The following IL18RAP variants were observed in gnomAD, a reference collection of about 807,000 sequenced individuals.
IL18RAP encodes interleukin 18 receptor accessory protein.
In IL18RAP, 37 loss-of-function variants were observed where a neutral mutation model predicts 58.1. The ratio of observed to expected loss-of-function variants is 0.64; its 90% CI spans 0.49 to 0.84. The LOEUF (loss-of-function observed/expected upper bound fraction) is 0.84, where lower values mean the gene tolerates loss of function less well. Ranked by LOEUF, IL18RAP falls within the 40% of genes least tolerant of loss-of-function variation. IL18RAP has a pLI of 0.00. For missense variants in IL18RAP, 667 were observed against 704.8 expected (o/e 0.95, Z 0.61); for synonymous variants, 268 against 257.5 (o/e 1.04, Z -0.39).
At chr2:102,445,731 G>A (rs112985089) in intron 7 of IL18RAP, among the ~76,000 whole-genome samples, 10 of 152,052 alleles carry the variant, frequency 6.6e-5, no homozygotes, top group African/African-American at 2.4e-4. Flanking sequence ...AGGACATGAT[G>A]GATTCATGTT....
rs925552789 is a variant in IL18RAP at position 102,445,056 on chromosome 2, C to T, written c.921-133C>T. ...GCCCTTTTTGACCATCTTACATTCT[C>T]GTGGTATCTTATACTATTGATCTCA... is the stretch of plus-strand genomic sequence containing the variant. On this transcript the variant is annotated intron_variant, in intron 6 of 9. Transcript: ENST00000687160. The T allele has an allele frequency of 6.4e-5, 42 of 656,998 alleles. 1 individual carries two copies. In the South Asian group the frequency reaches 6.9e-4, roughly 11 times the overall value. The allele number at this position is 656,998 out of a possible 1,614,324, so 40.7% of individuals were successfully genotyped here.
intron 4 of IL18RAP, 144 bp downstream of exon 4, chr2:102,437,506 C>A: frequency 1.4e-6 from 1 of 708,684 alleles, no homozygotes; most frequent in Non-Finnish European, 2.1e-6. Context: ...TGTGGGCAAA[C>A]ATCAAAGTTG....
chr2:102,446,492 T>A (rs1573300862), intron 7 of IL18RAP, among the ~76,000 whole-genome samples: 1 of 152,280 alleles, frequency 6.6e-6, no homozygotes, highest in East Asian at 1.9e-4. Flanking sequence ...TCCGTTGTAT[T>A]ATTCTTATGC....
At chr2:102,432,594 C>T (rs1390750616) in intron 3 of IL18RAP, among the ~76,000 whole-genome samples, 1 of 152,118 alleles carries the variant, frequency 6.6e-6, no homozygotes, top group Non-Finnish European at 1.5e-5. Context: ...TGTGTGTGGG[C>T]TTGATCTTAC....
chr2:102,422,547 A>G (rs1280413392), upstream of IL18RAP, among the ~76,000 whole-genome samples: 2 of 152,266 alleles, frequency 1.3e-5, no homozygotes, highest in African/African-American at 4.8e-5. Context: ...AGATATTTCA[A>G]GTAAGTGGTT....
At chr2:102,441,550 A>G (rs1683104431) in intron 5 of IL18RAP, among the ~76,000 whole-genome samples, 173 bp downstream of exon 5, 1 of 152,240 alleles carries the variant, frequency 6.6e-6, no homozygotes. Flanking sequence ...TTTAAGCCTC[A>G]GTACTTAAAT....
chr2:102,445,706 G>T (rs1224931769), intron 7 of IL18RAP, among the ~76,000 whole-genome samples: 1 of 152,002 alleles, frequency 6.6e-6, no homozygotes, highest in Non-Finnish European at 1.5e-5. Context: ...TTTCTTTCCT[G>T]GCTTTCAAAT....
At chr2:102,423,110 G>A (rs982481033), upstream of IL18RAP, 7 of 702,616 alleles carry the variant, frequency 1.0e-5, no homozygotes, top group South Asian at 3.5e-5. Flanking sequence ...CCCTTTCAAA[G>A]CTTCCTGTGT....
chr2:102,443,599 T>G (rs945804061), intron 6 of IL18RAP, among the ~76,000 whole-genome samples: 2 of 152,158 alleles, frequency 1.3e-5, no homozygotes, highest in African/African-American at 4.8e-5. Flanking sequence ...ATAAGTAATA[T>G]GTCCAAGAAA....
intron 8 of IL18RAP, 57 bp from the exon 9 acceptor site, chr2:102,450,791 T>C: frequency 7.0e-6 from 8 of 1,150,892 alleles, no homozygotes; most frequent in Non-Finnish European, 9.9e-6. Context: ...ATGTGTACCA[T>C]AACAGTAAAA....
Position 102,423,814 on chromosome 2 carries a change from G to A in IL18RAP, c.74G>A (p.Cys25Tyr), listed in dbSNP as rs1026827083. Reference protein sequence around the residue: ...ERIKGFNISGCSTKKLLWTYS... With the variant: ...ERIKGFNISGYSTKKLLWTYS... The stretch of plus-strand genomic sequence containing the variant: ...CTTTGTTTATTATGATTTTCAGGTT[G>A]TTCCACAAAAAAACTCCTTTGGACA... The change falls in exon 2 of 10, where the codon TGT becomes TAT. Residue 25 changes from cysteine to tyrosine, a missense_variant. Physicochemically the swap from Cys to Tyr is radical, Grantham distance 194 (BLOSUM62 -2). Transcript: ENST00000687160. 6.2e-7 allele frequency: 1 copy of A among 1,608,224 alleles called. No homozygotes were observed. The highest frequency in any genetic ancestry group is 1.3e-5 in the African/African-American group (1 of 74,624).
Position 102,424,007 on chromosome 2 carries a change from G to T in IL18RAP, c.267G>T (p.Ser89=). 6.2e-7 allele frequency: 1 copy of T among 1,613,834 alleles called. No individual in the cohort carries two copies. The highest frequency in any genetic ancestry group is 8.5e-7 in the Non-Finnish European group (1 of 1,179,828). The part of the protein sequence containing the change: ...LSDVQWYQQP[S]NGDPLEDIRK... ...ATGTCCAATGGTACCAACAACCTTC[G>T]AATGGAGATCCATTAGAGGACATTA... Residue 89 remains serine (S), a synonymous_variant, in exon 2 of 10, where the codon TCG becomes TCT. Transcript: ENST00000687160.
At chr2:102,432,610 G>A (rs192614330) in intron 3 of IL18RAP, among the ~76,000 whole-genome samples, 123 of 152,204 alleles carry the variant, frequency 8.1e-4, no homozygotes, top group Non-Finnish European at 1.3e-4. Context: ...CTTACCCCTG[G>A]GCCAGGGATA....
chr2:102,438,544 C>T (rs1473252501), intron 4 of IL18RAP, among the ~76,000 whole-genome samples: 4 of 152,112 alleles, frequency 2.6e-5, no homozygotes, highest in Non-Finnish European at 5.9e-5. Flanking sequence ...CACTTTTCCC[C>T]TCCAAGTGAT....
At chr2:102,426,687 G>A (rs1242666103) in intron 3 of IL18RAP, among the ~76,000 whole-genome samples, 1 of 152,084 alleles carries the variant, frequency 6.6e-6, no homozygotes, top group African/African-American at 2.4e-5. Flanking sequence ...TTTGATATAT[G>A]TATACAATGT....
At chr2:102,419,353 A>G (rs1681431326), upstream of IL18RAP, 1 of 152,224 alleles carries the variant, frequency 6.6e-6, no homozygotes, top group Non-Finnish European at 1.5e-5. Flanking sequence ...TATTAGTTAA[A>G]TTAAATACTG....
intron 3 of IL18RAP, among the ~76,000 whole-genome samples, chr2:102,430,066 T>C (rs1682234959): frequency 6.6e-6 from 1 of 152,020 alleles, no homozygotes; most frequent in Non-Finnish European, 1.5e-5. Context: ...TCTGTATATG[T>C]CTGTTAGGTC....
At chr2:102,437,431 G>A in intron 4 of IL18RAP, 69 bp downstream of exon 4, 1 of 1,503,220 alleles carries the variant, frequency 6.7e-7, no homozygotes, top group East Asian at 2.3e-5. Flanking sequence ...TTTTGGCTTA[G>A]TAAGTTTTTC....
chr2:102,429,700 C>T (rs908190102), intron 3 of IL18RAP, among the ~76,000 whole-genome samples: 10 of 151,946 alleles, frequency 6.6e-5, no homozygotes, highest in African/African-American at 2.2e-4. Flanking sequence ...TCAATGCAGA[C>T]ATTCATTGCT....
Sources: allele counts gnomAD v4.1 joint callset (sites outside exome capture counted in the v4.1 genomes callset), GRCh38; gene constraint gnomAD v4.1.1; transcripts MANE v1.5; gene names NCBI Gene and HGNC (gene_info 2026-07-23, HGNC 2026-07-21).